SENP7: variants seen among roughly 807,000 people sequenced by gnomAD.
SENP7 encodes the protein SUMO specific peptidase 7.
SENP7 carries 64 observed loss-of-function variants against 141.2 expected under a neutral mutation model. That is an observed-to-expected ratio of 0.45 (90% CI 0.37 to 0.56). The LOEUF is 0.56. Ranked by LOEUF, SENP7 falls within the 20% of genes least tolerant of loss-of-function variation. The pLI is 0.00. For synonymous variants in SENP7, 382 were observed against 426.4 expected, an observed-to-expected ratio of 0.90 and a Z score of 1.28; for missense variants, 1,025 against 1,212.2, an observed-to-expected ratio of 0.85 and a Z score of 2.29.
chr3:101,502,465 G>A (rs948674643), intron 1 of SENP7, among the ~76,000 whole-genome samples: 1 of 152,136 alleles, frequency 6.6e-6, no homozygotes, highest in Non-Finnish European at 1.5e-5. Context: ...ACCATGCCAG[G>A]CTAATTTTGT....
chr3:101,406,927 A>G lies in SENP7; in HGVS notation c.483-7872T>C, dbSNP rs547388020. ...TGGAGCCCTATCTTCACCCTCCTCA[A>G]ACAAAACAATTATCAGCCAAGAATT... is the stretch of plus-strand genomic sequence containing the variant. On this transcript the variant is annotated intron_variant, in intron 5 of 23. Transcript: ENST00000394095. Among the ~76,000 whole-genome samples the G allele has an allele frequency of 2.6e-5, 4 of 152,316 alleles. No homozygotes were observed. The South Asian group carries it at 8.3e-4, about 32-fold the overall frequency.
chr3:101,376,001 CA>C (rs779082956), intron 6 of SENP7, among the ~76,000 whole-genome samples: 22 of 152,200 alleles, frequency 1.4e-4, no homozygotes, highest in Non-Finnish European at 2.6e-4. Flanking sequence ...AATGGTAACA[CA>C]GTTTCTGCTT....
chr3:101,454,988 T>C (rs2063301442), intron 4 of SENP7, among the ~76,000 whole-genome samples: 1 of 152,348 alleles, frequency 6.6e-6, no homozygotes, highest in South Asian at 2.1e-4. Context: ...GTGAATTTTA[T>C]GATATGTAAA....
At chr3:101,344,631 A>T (rs1446726627) in intron 13 of SENP7, among the ~76,000 whole-genome samples, 1 of 152,182 alleles carries the variant, frequency 6.6e-6, no homozygotes, top group Non-Finnish European at 1.5e-5. Context: ...CTGGAGACTA[A>T]ACAAAGCTGA....
chr3:101,506,449 A>G, intron 1 of SENP7, among the ~76,000 whole-genome samples: 1 of 152,250 alleles, frequency 6.6e-6, no homozygotes, highest in East Asian at 1.9e-4. Flanking sequence ...TTAAGAAATT[A>G]AGATTTGAGG....
At chr3:101,416,170 G>A (rs989440429) in intron 5 of SENP7, among the ~76,000 whole-genome samples, 7 of 152,254 alleles carry the variant, frequency 4.6e-5, no homozygotes, top group African/African-American at 1.7e-4. Context: ...CTAGCTGGTA[G>A]CTCACCCACT....
At chr3:101,408,219 A>C (rs917724352) in intron 5 of SENP7, among the ~76,000 whole-genome samples, 1 of 152,192 alleles carries the variant, frequency 6.6e-6, no homozygotes, top group African/African-American at 2.4e-5. Flanking sequence ...GAACCCTCCT[A>C]GCTTAAATCG....
chr3:101,361,621 T>G (rs2059904515), intron 11 of SENP7, 94 bp downstream of exon 11: 1 of 1,264,902 alleles, frequency 7.9e-7, no homozygotes. Context: ...AAATCTTAAT[T>G]CTATTCTTAT....
intron 5 of SENP7, among the ~76,000 whole-genome samples, chr3:101,405,752 A>T (rs1369483910): frequency 1.3e-5 from 2 of 152,218 alleles, no homozygotes; most frequent in Non-Finnish European, 2.9e-5. Flanking sequence ...AACTTCAGGA[A>T]ACTTTGGACA....
chr3:101,460,309 G>T (rs1241135101), intron 3 of SENP7, among the ~76,000 whole-genome samples: 3 of 152,132 alleles, frequency 2.0e-5, no homozygotes, highest in Non-Finnish European at 4.4e-5. Context: ...TTACTATGAA[G>T]CTAGAGTAAT....
chr3:101,363,979 AGGT>A (rs1332067294), intron 10 of SENP7, among the ~76,000 whole-genome samples: 1 of 152,190 alleles, frequency 6.6e-6, no homozygotes. Context: ...GCACTTTGGG[AGGT>A]GGAGGTAGGA....
chr3:101,371,918 GTAAAA>G, intron 7 of SENP7, 85 bp downstream of exon 7: 2 of 472,150 alleles, frequency 4.2e-6, no homozygotes, highest in East Asian at 3.9e-5. Flanking sequence ...TCCTTTCAAA[GTAAAA>G]TAAAATAATT....
At chr3:101,361,271 G>A (rs2059894848) in intron 11 of SENP7, among the ~76,000 whole-genome samples, 1 of 151,618 alleles carries the variant, frequency 6.6e-6, no homozygotes, top group Admixed American at 6.6e-5. Context: ...TTCATATACA[G>A]TGGGTGAGGA....
intron 11 of SENP7, among the ~76,000 whole-genome samples, chr3:101,353,322 G>A (rs938920436): frequency 6.6e-6 from 1 of 151,936 alleles, no homozygotes; most frequent in Non-Finnish European, 1.5e-5. Context: ...TTATAAAGTA[G>A]AAGTAGTGCA....
At chr3:101,332,615 G>A (rs2059086428) in intron 18 of SENP7, among the ~76,000 whole-genome samples, 155 bp downstream of exon 18, 1 of 151,106 alleles carries the variant, frequency 6.6e-6, no homozygotes, top group African/African-American at 2.4e-5. Flanking sequence ...TCCAAGATAA[G>A]GAATTCATTG....
At chr3:101,456,164 C>CAT (rs10535201) in intron 4 of SENP7, among the ~76,000 whole-genome samples, 1 of 151,782 alleles carries the variant, frequency 6.6e-6, no homozygotes, top group African/African-American at 2.4e-5. Flanking sequence ...ATATAAAAGA[C>CAT]ATATATATGT....
At chr3:101,442,310 C>CGGGATGGCAG (rs2062707047) in intron 4 of SENP7, among the ~76,000 whole-genome samples, 1 of 152,198 alleles carries the variant, frequency 6.6e-6, no homozygotes, top group Admixed American at 6.5e-5. Context: ...CCACAGACCA[C>CGGGATGGCAG]GGGATGGCAG....
At chr3:101,405,499 T>A (rs943707837) in intron 5 of SENP7, among the ~76,000 whole-genome samples, 2 of 152,012 alleles carry the variant, frequency 1.3e-5, no homozygotes, top group African/African-American at 4.8e-5. Flanking sequence ...GAAAACCAAC[T>A]CTGGTAATAT....
chr3:101,494,170 T>C (rs1425497180), intron 2 of SENP7, among the ~76,000 whole-genome samples: 1 of 152,180 alleles, frequency 6.6e-6, no homozygotes, highest in Non-Finnish European at 1.5e-5. Flanking sequence ...CAAATGAAAG[T>C]TGAATGAAGA....
Sources: gnomAD v4.1 joint callset for allele counts (sites outside exome capture counted in the v4.1 genomes callset) on GRCh38, gnomAD v4.1.1 for gene constraint, MANE v1.5 for transcripts, NCBI Gene and HGNC (gene_info 2026-07-23, HGNC 2026-07-21) for gene names.